The following ZDHHC17 variants were observed in gnomAD, a reference collection of about 807,000 sequenced individuals.
The protein encoded by ZDHHC17 is palmitoyltransferase ZDHHC17.
Under a neutral mutation model 90.3 loss-of-function variants are expected in ZDHHC17, and 40 were observed. That is an observed-to-expected ratio of 0.44 (90% confidence interval 0.34 to 0.58). The LOEUF (loss-of-function observed/expected upper bound fraction) is 0.58. Ranked by LOEUF, ZDHHC17 falls within the 20% of genes least tolerant of loss-of-function variation. The pLI is 0.01. For missense variants in ZDHHC17, 614 were observed against 780.8 expected, an observed-to-expected ratio of 0.79 and a Z score of 2.55; for synonymous variants, 235 against 252.4, an observed-to-expected ratio of 0.93 and a Z score of 0.65.
intron 11 of ZDHHC17, 63 bp from the exon 12 acceptor site, chr12:76,842,856 G>A: frequency 8.4e-6 from 10 of 1,191,028 alleles, no homozygotes; most frequent in Non-Finnish European, 1.1e-5. Flanking sequence ...ATTCATAGTG[G>A]TGGCAAAAGA....
At chr12:76,807,623 T>C (rs1485716888) in intron 3 of ZDHHC17, among the ~76,000 whole-genome samples, 1 of 152,204 alleles carries the variant, frequency 6.6e-6, no homozygotes, top group African/African-American at 2.4e-5. Flanking sequence ...AGTTATTCTT[T>C]TTTTAGGATG....
chr12:76,821,589 T>A (rs765777519), intron 7 of ZDHHC17, among the ~76,000 whole-genome samples: 9 of 152,168 alleles, frequency 5.9e-5, no homozygotes, highest in Non-Finnish European at 1.2e-4. Flanking sequence ...GGTAAGCATT[T>A]AAAGTTTTGC....
chr12:76,848,418 C>A lies in ZDHHC17; in HGVS notation c.1665+28C>A. The A allele has an allele frequency of 2.5e-6, 4 of 1,606,644 alleles. No individual in the cohort carries two copies. In the East Asian group the frequency reaches 8.9e-5, roughly 36 times the overall value. On this transcript the variant is annotated intron_variant, in intron 15 of 16. Transcript: ENST00000426126. ...ATGTGCAAAGGCATTCTTTTTAGTG[C>A]ACTAAGTGAAAACTCTTCCATCCTT...
intron 10 of ZDHHC17, among the ~76,000 whole-genome samples, chr12:76,838,974 A>C (rs1953400996): frequency 6.6e-6 from 1 of 152,210 alleles, no homozygotes; most frequent in Non-Finnish European, 1.5e-5. Context: ...GGTGCCAGCA[A>C]GTTTGAGTTC....
chr12:76,832,239 G>A (rs1441875143), intron 10 of ZDHHC17, among the ~76,000 whole-genome samples: 1 of 152,158 alleles, frequency 6.6e-6, no homozygotes, highest in Non-Finnish European at 1.5e-5. Flanking sequence ...TATAATATAT[G>A]GTGCTGATTC....
At position 76,806,423 on chromosome 12, in the gene ZDHHC17, C is replaced by T. The variant is rs146944598; in HGVS notation, c.320+984C>T. Among the ~76,000 whole-genome samples, 52 of 152,086 alleles carry T rather than the reference C, an allele frequency of 3.4e-4. No homozygotes were observed. In the East Asian group the frequency reaches 7.8e-3, roughly 23 times the overall value. ...CCTCCCGAGTAGTTGGGATTATAGG[C>T]GGGTGCCAATAGTAAATGACGTATA... is the stretch of plus-strand genomic sequence containing the variant. On this transcript the variant is annotated intron_variant, in intron 3 of 16. Transcript: ENST00000426126.
At position 76,848,282 on chromosome 12, in the gene ZDHHC17, A is replaced by G; in HGVS notation, c.1557A>G (p.Thr519=). 2 of 1,613,962 alleles carry G rather than the reference A, an allele frequency of 1.2e-6. No homozygotes were observed. The highest frequency in any genetic ancestry group is 1.7e-6 in the Non-Finnish European group (2 of 1,179,874). The change falls in exon 15 of 17, where the codon ACA becomes ACG. Residue 519 remains threonine, a synonymous_variant. Coordinates refer to ENST00000426126, the MANE Select transcript of ZDHHC17 (RefSeq NM_015336.4). The stretch of plus-strand genomic sequence containing the variant: ...CTTACACCAAGGATGGATTTTGGAC[A>G]TACATTACTCAGATTGCCACGTGTT... ...ETTYTKDGFW[T]YITQIATCSP...
chr12:76,819,082 T>G (rs192235156), intron 7 of ZDHHC17, among the ~76,000 whole-genome samples: 1 of 152,190 alleles, frequency 6.6e-6, no homozygotes, highest in African/African-American at 2.4e-5. Context: ...AGATTAGGTG[T>G]GAGGATAAAA....
At chr12:76,828,294 C>A in intron 9 of ZDHHC17, 96 bp from the exon 10 acceptor site, 1 of 1,065,288 alleles carries the variant, frequency 9.4e-7, no homozygotes, top group Non-Finnish European at 1.3e-6. Flanking sequence ...GAAACCAATG[C>A]TTACTATACA....
intron 1 of ZDHHC17, among the ~76,000 whole-genome samples, chr12:76,777,165 T>C (rs2137718846): frequency 6.6e-6 from 1 of 152,356 alleles, no homozygotes; most frequent in Non-Finnish European, 1.5e-5. Context: ...TATTGCCCTT[T>C]TATACCCATG....
At chr12:76,796,202 G>C (rs758346973) in intron 1 of ZDHHC17, among the ~76,000 whole-genome samples, 6 of 152,056 alleles carry the variant, frequency 3.9e-5, no homozygotes, top group Admixed American at 6.5e-5. Flanking sequence ...GTTTATCAGA[G>C]GCAAGAGAGC....
In ZDHHC17 at chr12:76,815,919, A is replaced by G; in HGVS notation, c.671A>G (p.His224Arg). 14 of 1,583,848 alleles carry G rather than the reference A, an allele frequency of 8.8e-6. No individual in the cohort carries two copies. The highest frequency in any genetic ancestry group is 1.2e-5 in the Non-Finnish European group (14 of 1,163,258). ...NVSVNLGDKY[H>R]KNTALHWAVL... Reference sequence around the variant, plus strand: ...TCAGTTAACCTTGGTGACAAGTATCACAAAAACACTGCTCTGCATTGGGCA... The same window carrying G: ...TCAGTTAACCTTGGTGACAAGTATCGCAAAAACACTGCTCTGCATTGGGCA... The change falls in exon 7 of 17, where the codon CAC becomes CGC. Residue 224 changes from histidine to arginine, a missense_variant. Around this residue, in one of 5 missense-constraint regions of ZDHHC17, gnomAD observed 358 missense variants for 380.4 expected, o/e 0.94. Transcript: ENST00000426126.
At position 76,774,309 on chromosome 12, in the gene ZDHHC17, T is replaced by TAC. The variant is rs555009020; in HGVS notation, c.93+9992_93+9993dup. 3.3e-3 allele frequency among the ~76,000 whole-genome samples: 486 copies of TAC among 149,154 alleles called. 3 individuals are homozygous for TAC. Among genetic ancestry groups the TAC allele is most frequent in the South Asian group, 9.5e-3 (45 of 4,730 alleles). On this transcript the variant is annotated intron_variant, in intron 1 of 16. Transcript: ENST00000426126. ...GTGTATGTGTGTAAATATATATATA[T>TAC]ACACACACACACATATATATACATA... is the stretch of plus-strand genomic sequence containing the variant.
At chr12:76,816,751 A>C (rs1213618163) in intron 7 of ZDHHC17, among the ~76,000 whole-genome samples, 2 of 152,016 alleles carry the variant, frequency 1.3e-5, no homozygotes, top group African/African-American at 4.8e-5. Flanking sequence ...CAGTTACTTT[A>C]AGAGGAGAAG....
intron 1 of ZDHHC17, among the ~76,000 whole-genome samples, chr12:76,779,426 A>G (rs998377841): frequency 6.6e-6 from 1 of 152,172 alleles, no homozygotes; most frequent in Non-Finnish European, 1.5e-5. Context: ...CACGTCTTAC[A>G]TGGTGATAGG....
At chr12:76,797,120 T>C (rs927542013) in intron 1 of ZDHHC17, among the ~76,000 whole-genome samples, 7 of 151,818 alleles carry the variant, frequency 4.6e-5, no homozygotes, top group Non-Finnish European at 8.8e-5. Flanking sequence ...AAAAATTAGC[T>C]GGGCATGGTG....
chr12:76,815,922 A>G lies in ZDHHC17; in HGVS notation c.674A>G (p.Lys225Arg). 1.3e-6 allele frequency: 2 copies of G among 1,584,472 alleles called. No individual in the cohort carries two copies. Among genetic ancestry groups the G allele is most frequent in the East Asian group, 2.3e-5 (1 of 43,994 alleles). ...GTTAACCTTGGTGACAAGTATCACA[A>G]AAACACTGCTCTGCATTGGGCAGTG... ...VSVNLGDKYH[K>R]NTALHWAVLA... The change falls in exon 7 of 17, where the codon AAA becomes AGA. Residue 225 changes from lysine to arginine, a missense_variant. Lys to Arg is a conservative substitution (Grantham distance 26, BLOSUM62 2). Around this residue, in one of 5 missense-constraint regions of ZDHHC17, gnomAD observed 358 missense variants for 380.4 expected, o/e 0.94. Coordinates refer to ENST00000426126, the MANE Select transcript of ZDHHC17 (RefSeq NM_015336.4).
chr12:76,806,430 C>T (rs1238019564), intron 3 of ZDHHC17, among the ~76,000 whole-genome samples: 3 of 151,902 alleles, frequency 2.0e-5, no homozygotes, highest in Non-Finnish European at 4.4e-5. Context: ...AGGCGGGTGC[C>T]AATAGTAAAT....
chr12:76,773,113 G>T (rs777228886), intron 1 of ZDHHC17, among the ~76,000 whole-genome samples: 7 of 152,094 alleles, frequency 4.6e-5, no homozygotes, highest in African/African-American at 1.7e-4. Context: ...CTGCCTCGAC[G>T]TCTCAAAGTA....
Sources: gnomAD v4.1 joint callset for allele counts (sites outside exome capture counted in the v4.1 genomes callset) on GRCh38, gnomAD v4.1.1 for gene constraint, gnomAD v4.1.1 regional missense constraint, MANE v1.5 for transcripts, NCBI Gene and HGNC (gene_info 2026-07-23, HGNC 2026-07-21) for gene names.